Variants in ROS1 observed in about 807,000 individuals in gnomAD.
ROS1 encodes ROS proto-oncogene 1, receptor tyrosine kinase, also known as proto-oncogene tyrosine-protein kinase ROS.
Under a neutral mutation model 273.5 loss-of-function variants are expected in ROS1, and 263 were observed. The observed-to-expected ratio is 0.96, with a 90% CI of 0.87 to 1.06. The LOEUF (loss-of-function observed/expected upper bound fraction) is 1.06, where lower values mean the gene tolerates loss of function less well. Ranked by LOEUF, ROS1 falls within the 50% of genes least tolerant of loss-of-function variation. The probability of loss-of-function intolerance (pLI) is 0.00; values close to 1 mark genes in which losing one functional copy is unlikely to be tolerated. For synonymous variants in ROS1, 1,008 were observed against 954.1 expected, an observed-to-expected ratio of 1.06 and a Z score of -1.04; for missense variants, 2,833 against 2,751.1, an observed-to-expected ratio of 1.03 and a Z score of -0.67.
chr6:117,326,255 A>C lies in ROS1; in HGVS notation c.5508T>G (p.Ser1836Arg), dbSNP rs766406712. 3 of 1,602,002 alleles carry C rather than the reference A, an allele frequency of 1.9e-6. No individual in the cohort carries two copies. The highest frequency in any genetic ancestry group is 2.6e-6 in the Non-Finnish European group (3 of 1,176,316). The change falls in exon 34 of 44, where the codon AGT (serine) becomes AGG (arginine). Residue 1836 changes from serine to arginine, a missense_variant. Transcript: ENST00000368507. ...AANNLGFGEY[S>R]GISENIILVG... ...CTAATATAATATTCTCACTGATTCC[A>C]CTATATTCACCAAACCCTAGATTAT...
chr6:117,400,545 T>C (rs1344838641), intron 7 of ROS1, among the ~76,000 whole-genome samples: 1 of 152,150 alleles, frequency 6.6e-6, no homozygotes, highest in Non-Finnish European at 1.5e-5. Context: ...GTATAAAGGG[T>C]GGGAAAATGA....
chr6:117,342,436 G>A lies in ROS1; in HGVS notation c.4615C>T (p.Pro1539Ser), dbSNP rs772896918. Residue 1539 changes from proline (P) to serine (S), a missense_variant, in exon 29 of 44, where the codon CCA becomes TCA. Pro to Ser is a moderately conservative substitution (Grantham distance 74). Coordinates refer to ENST00000368507, the MANE Select transcript of ROS1 (RefSeq NM_001378902.1). ...YYSDPLEHLPPGKEIWGKTKN... is the reference protein window; with the variant it reads ...YYSDPLEHLPSGKEIWGKTKN... ...GTTTTTCCCCAAATCTCTTTTCCTG[G>A]TGGTAAATGTTCCAAAGGATCTGAA... is the stretch of plus-strand genomic sequence containing the variant. 46 of 1,611,420 alleles carry A rather than the reference G, an allele frequency of 2.9e-5. No homozygotes were observed. The highest frequency in any genetic ancestry group is 1.2e-5 in the Non-Finnish European group (14 of 1,178,852).
chr6:117,352,968 A>G (rs571752420), intron 27 of ROS1, 22 bp downstream of exon 27: 1 of 1,608,072 alleles, frequency 6.2e-7, no homozygotes, highest in African/African-American at 1.3e-5. Context: ...GAACAAGCTG[A>G]TTACGAATGT....
intron 35 of ROS1, among the ~76,000 whole-genome samples, chr6:117,321,759 C>T (rs1048636112): frequency 6.7e-6 from 1 of 150,118 alleles, no homozygotes; most frequent in African/African-American, 2.4e-5. Flanking sequence ...GAAACAAATT[C>T]ATTTTTGAGT....
chr6:117,337,780 C>T (rs1348321498), intron 31 of ROS1, among the ~76,000 whole-genome samples: 1 of 152,072 alleles, frequency 6.6e-6, no homozygotes, highest in East Asian at 1.9e-4. Flanking sequence ...GTTTTGATTA[C>T]ATATTTTGAT....
chr6:117,386,136 A>C (rs1772561581), intron 15 of ROS1, among the ~76,000 whole-genome samples: 1 of 152,244 alleles, frequency 6.6e-6, no homozygotes, highest in East Asian at 1.9e-4. Context: ...AAACAAAATT[A>C]TGAAGTAGGA....
intron 31 of ROS1, among the ~76,000 whole-genome samples, chr6:117,338,129 G>T (rs190878089): frequency 1.3e-5 from 2 of 152,074 alleles, no homozygotes; most frequent in African/African-American, 4.8e-5. Flanking sequence ...AAGACAAAAA[G>T]ATATGGCAAT....
At chr6:117,295,487 T>C (rs1395482939) in intron 43 of ROS1, among the ~76,000 whole-genome samples, 4 of 151,996 alleles carry the variant, frequency 2.6e-5, no homozygotes, top group Non-Finnish European at 5.9e-5. Flanking sequence ...AATGGACAAA[T>C]GGGATCACAT....
At chr6:117,324,182 T>C (rs1465801157) in intron 35 of ROS1, 150 bp downstream of exon 35, 1 of 583,966 alleles carries the variant, frequency 1.7e-6, no homozygotes, top group African/African-American at 1.9e-5. Flanking sequence ...TTAGTGGTTA[T>C]AAATGTATAG....
At chr6:117,386,199 C>G (rs535144113) in intron 15 of ROS1, among the ~76,000 whole-genome samples, 1 of 152,330 alleles carries the variant, frequency 6.6e-6, no homozygotes, top group Admixed American at 6.5e-5. Flanking sequence ...ATCATGTGTT[C>G]TGCCTGAGGG....
intron 33 of ROS1, chr6:117,328,353 T>G (rs1024007543): frequency 1.2e-5 from 3 of 258,372 alleles, no homozygotes; most frequent in Admixed American, 4.9e-5. Flanking sequence ...ACAAAAGAGG[T>G]CCTAGCAAAA....
At chr6:117,413,625 T>C (rs186330628) in intron 4 of ROS1, among the ~76,000 whole-genome samples, 20 of 152,138 alleles carry the variant, frequency 1.3e-4, no homozygotes, top group African/African-American at 3.1e-4. Context: ...TTACTTACCA[T>C]TGGGAGAAGG....
At chr6:117,322,215 A>G (rs1402363383) in intron 35 of ROS1, among the ~76,000 whole-genome samples, 3 of 152,142 alleles carry the variant, frequency 2.0e-5, no homozygotes, top group African/African-American at 7.2e-5. Context: ...AGGGCTACAC[A>G]GTGAAAGATC....
chr6:117,401,255 C>T (rs1773906202), intron 7 of ROS1, among the ~76,000 whole-genome samples: 2 of 152,174 alleles, frequency 1.3e-5, no homozygotes, highest in Non-Finnish European at 2.9e-5. Flanking sequence ...GGCCCTCCTT[C>T]CACCCTCCCA....
intron 35 of ROS1, among the ~76,000 whole-genome samples, chr6:117,321,930 CA>C (rs1363197321): frequency 6.6e-6 from 1 of 150,712 alleles, no homozygotes; most frequent in Non-Finnish European, 1.5e-5. Flanking sequence ...CGAAGCTTAC[CA>C]AATGTTAGCA....
Position 117,353,029 on chromosome 6 carries a change from G to C in ROS1, c.4264C>G (p.His1422Asp). ...ATAACTGAACTGTAAGCCAAGATAT[G>C]CCTACTCCTTAGGGCCTTCACCTGG... ...VSQVKALRSR[H>D]ILAYSSVMQP... Residue 1422 changes from histidine to aspartate, a missense_variant, in exon 27 of 44, where the codon CAT becomes GAT. By Grantham distance (81) the His-to-Asp change is moderately conservative. Transcript: ENST00000368507. The C allele has an allele frequency of 6.2e-7, 1 of 1,614,040 alleles. No homozygotes were observed. The highest frequency in any genetic ancestry group is 1.1e-5 in the South Asian group (1 of 91,032).
chr6:117,378,386 T>G (rs932032084), intron 18 of ROS1, among the ~76,000 whole-genome samples: 2 of 152,176 alleles, frequency 1.3e-5, no homozygotes, highest in African/African-American at 2.4e-5. Context: ...AAAGATTGTA[T>G]GCCAAGTAAA....
rs1013635996 is a variant in ROS1, at chr6:117,287,613, A to T, written c.*879T>A. 2.0e-5 allele frequency among the ~76,000 whole-genome samples: 3 copies of T among 152,190 alleles called. No individual in the cohort carries two copies. Among genetic ancestry groups the T allele is most frequent in the Non-Finnish European group, 4.4e-5 (3 of 68,046 alleles). On this transcript the variant is annotated 3_prime_UTR_variant, in exon 44 of 44. Transcript: ENST00000368507. Reference sequence around the variant, plus strand: ...AAGCCTCAAAACTACAAAATATTTTACAGTAGTGATTAAAGACAATATATA... The same window carrying T: ...AAGCCTCAAAACTACAAAATATTTTTCAGTAGTGATTAAAGACAATATATA...
chr6:117,294,814 CACAA>C (rs1306944213), intron 43 of ROS1, among the ~76,000 whole-genome samples: 2 of 151,994 alleles, frequency 1.3e-5, no homozygotes, highest in Non-Finnish European at 2.9e-5. Flanking sequence ...TTGTAGGAGG[CACAA>C]ACAAATGGAA....
Sources: gnomAD v4.1 joint callset for allele counts (sites outside exome capture counted in the v4.1 genomes callset) on GRCh38, gnomAD v4.1.1 for gene constraint, MANE v1.5 for transcripts, NCBI Gene and HGNC (gene_info 2026-07-23, HGNC 2026-07-21) for gene names.